OSBPL8: variants seen among roughly 807,000 people sequenced by gnomAD.
The protein encoded by OSBPL8 is oxysterol binding protein like 8.
In OSBPL8, 59 loss-of-function variants were observed where a neutral mutation model predicts 125.5. The ratio of observed to expected loss-of-function variants is 0.47; its 90% CI spans 0.38 to 0.58. The LOEUF (loss-of-function observed/expected upper bound fraction) is 0.58. Among genes scored for constraint, OSBPL8 ranks in the 20% least tolerant of loss-of-function variants. The pLI is 0.00. For missense variants in OSBPL8, 758 were observed against 1,047.8 expected (o/e 0.72, Z 3.82); for synonymous variants, 330 against 338.9 (o/e 0.97, Z 0.29).
At chr12:76,413,627 C>T (rs374996332) in intron 4 of OSBPL8, among the ~76,000 whole-genome samples, 2 of 151,894 alleles carry the variant, frequency 1.3e-5, no homozygotes, top group East Asian at 3.9e-4. Context: ...TTGAAAAACT[C>T]TTAATATTTT....
At chr12:76,512,206 T>C (rs574394752) in intron 1 of OSBPL8, among the ~76,000 whole-genome samples, 6 of 152,344 alleles carry the variant, frequency 3.9e-5, no homozygotes, top group South Asian at 2.1e-4. Context: ...CTCCCACTTA[T>C]AAGAGAGAAC....
At chr12:76,523,044 C>T (rs998332388) in intron 1 of OSBPL8, among the ~76,000 whole-genome samples, 3 of 152,008 alleles carry the variant, frequency 2.0e-5, no homozygotes, top group African/African-American at 4.8e-5. Context: ...TGCCCTGTTT[C>T]CCCAGCTAGT....
At chr12:76,485,009 C>T (rs1196407900) in intron 2 of OSBPL8, among the ~76,000 whole-genome samples, 2 of 152,026 alleles carry the variant, frequency 1.3e-5, no homozygotes, top group Non-Finnish European at 2.9e-5. Flanking sequence ...CAACCTCTGC[C>T]TCCCAGGTTC....
chr12:76,553,420 T>C (rs1950999288), intron 1 of OSBPL8, among the ~76,000 whole-genome samples: 1 of 151,766 alleles, frequency 6.6e-6, no homozygotes, highest in African/African-American at 2.4e-5. Context: ...TCCCAGCACT[T>C]TGGGAGACCA....
At chr12:76,401,384 AAAT>A (rs1365555449) in intron 6 of OSBPL8, among the ~76,000 whole-genome samples, 2 of 152,202 alleles carry the variant, frequency 1.3e-5, no homozygotes. Context: ...CTGCAAATTA[AAAT>A]AATAAGAGAG....
rs749958185 is a variant in OSBPL8, at chr12:76,475,894, T to C, written c.42+11616A>G. On this transcript the variant is annotated intron_variant, in intron 2 of 23. Coordinates refer to ENST00000261183, the MANE Select transcript of OSBPL8 (RefSeq NM_020841.5). Reference sequence around the variant, plus strand: ...CAGAGGCATTAAACACAGTCCTAAGTAAGCATTTTTGCTTTTAAACTGTGC... The same window carrying C: ...CAGAGGCATTAAACACAGTCCTAAGCAAGCATTTTTGCTTTTAAACTGTGC... Among the ~76,000 whole-genome samples, 8 of 152,210 alleles carry C rather than the reference T, an allele frequency of 5.3e-5. 1 individual carries two copies. The highest frequency in any genetic ancestry group is 4.1e-4 in the South Asian group (2 of 4,822).
chr12:76,437,297 C>A (rs1039201136), intron 4 of OSBPL8, among the ~76,000 whole-genome samples: 1 of 152,102 alleles, frequency 6.6e-6, no homozygotes, highest in South Asian at 2.1e-4. Flanking sequence ...CTTACTGACA[C>A]CTGTAATTAT....
chr12:76,409,812 T>C (rs1366592766), intron 5 of OSBPL8, among the ~76,000 whole-genome samples: 2 of 152,176 alleles, frequency 1.3e-5, no homozygotes, highest in Non-Finnish European at 2.9e-5. Context: ...ATGTGGGTTG[T>C]AAGAGCAAGC....
intron 6 of OSBPL8, 111 bp downstream of exon 6, chr12:76,402,578 T>A: frequency 1.3e-6 from 1 of 752,056 alleles, no homozygotes; most frequent in Non-Finnish European, 2.2e-6. Flanking sequence ...TACCACTGGA[T>A]GTTTTTTCTT....
At chr12:76,419,692 C>G (rs993322045) in intron 4 of OSBPL8, among the ~76,000 whole-genome samples, 1 of 152,074 alleles carries the variant, frequency 6.6e-6, no homozygotes, top group African/African-American at 2.4e-5. Context: ...GCCATCAAAG[C>G]AAATAAAAAA....
At chr12:76,438,620 G>T (rs1871790501) in intron 4 of OSBPL8, among the ~76,000 whole-genome samples, 1 of 152,118 alleles carries the variant, frequency 6.6e-6, no homozygotes, top group Non-Finnish European at 1.5e-5. Flanking sequence ...TCTCCTTCTA[G>T]ATTCTAACTT....
intron 3 of OSBPL8, among the ~76,000 whole-genome samples, chr12:76,454,643 C>T (rs1873801185): frequency 1.3e-5 from 2 of 151,528 alleles, no homozygotes; most frequent in Admixed American, 1.3e-4. Context: ...CACTTGAGCC[C>T]AGGTGTTCAA....
At chr12:76,418,130 C>T (rs1868968008) in intron 4 of OSBPL8, among the ~76,000 whole-genome samples, 1 of 150,966 alleles carries the variant, frequency 6.6e-6, no homozygotes, top group Admixed American at 6.6e-5. Flanking sequence ...ATTAGCCTCC[C>T]GAGTAGCTGG....
chr12:76,501,920 T>C (rs1409544608), intron 1 of OSBPL8, among the ~76,000 whole-genome samples: 2 of 152,254 alleles, frequency 1.3e-5, no homozygotes, highest in Admixed American at 6.5e-5. Context: ...TCCATAGACT[T>C]AGAGTGCCTC....
chr12:76,558,289 A>C (rs1471736238), intron 1 of OSBPL8, among the ~76,000 whole-genome samples: 1 of 152,222 alleles, frequency 6.6e-6, no homozygotes, highest in African/African-American at 2.4e-5. Flanking sequence ...ATAGAAACTG[A>C]TCATAGCCTC....
chr12:76,362,003 T>C (rs1217389492), intron 21 of OSBPL8, among the ~76,000 whole-genome samples: 1 of 152,216 alleles, frequency 6.6e-6, no homozygotes, highest in Non-Finnish European at 1.5e-5. Flanking sequence ...GTATTCTCAA[T>C]TACTTATTTC....
At chr12:76,471,861 A>G (rs925909043) in intron 2 of OSBPL8, among the ~76,000 whole-genome samples, 1 of 152,218 alleles carries the variant, frequency 6.6e-6, no homozygotes, top group African/African-American at 2.4e-5. Context: ...CCTTTTGCCT[A>G]CAATGCCATT....
intron 21 of OSBPL8, chr12:76,366,422 GTCT>G (rs544612951): frequency 8.1e-5 from 22 of 272,932 alleles, no homozygotes; most frequent in South Asian, 7.7e-4. Context: ...AGTCATTTGT[GTCT>G]TCTTTCTTGC....
intron 1 of OSBPL8, among the ~76,000 whole-genome samples, chr12:76,523,596 G>A (rs1257417055): frequency 6.6e-6 from 1 of 152,124 alleles, no homozygotes; most frequent in Non-Finnish European, 1.5e-5. Context: ...CTCATGCTGG[G>A]ATTAGTGCCC....
Sources: allele counts gnomAD v4.1 joint callset (sites outside exome capture counted in the v4.1 genomes callset), GRCh38; gene constraint gnomAD v4.1.1; transcripts MANE v1.5; gene names NCBI Gene and HGNC (gene_info 2026-07-23, HGNC 2026-07-21).